The following FRMPD4 variants were observed in gnomAD, a reference collection of about 807,000 sequenced individuals.
FRMPD4 encodes the protein FERM and PDZ domain-containing protein 4.
A neutral mutation model predicts 94.1 loss-of-function variants in FRMPD4; 22 were observed. The observed-to-expected ratio is 0.23, with a 90% CI of 0.17 to 0.33. FRMPD4 has a LOEUF of 0.33. FRMPD4 is among the 10% of genes least tolerant of loss of function. FRMPD4 has a pLI of 1.00. For synonymous variants in FRMPD4, 631 were observed against 548.6 expected, an observed-to-expected ratio of 1.15 and a Z score of -2.10; for missense variants, 1,111 against 1,339.9, an observed-to-expected ratio of 0.83 and a Z score of 2.67.
intron 2 of FRMPD4, among the ~76,000 whole-genome samples, chrX:12,547,917 T>C (rs1275118350): frequency 1.8e-5 from 2 of 112,400 alleles, no homozygotes; most frequent in Non-Finnish European, 3.8e-5. Flanking sequence ...ATCATGTCCA[T>C]TTTAATGACT....
At chrX:12,411,930 T>C (rs2056737213) in intron 1 of FRMPD4, among the ~76,000 whole-genome samples, 1 of 111,614 alleles carries the variant, frequency 9.0e-6, no homozygotes, top group Non-Finnish European at 1.9e-5. Flanking sequence ...CTACAGTCTT[T>C]TACTTGGGCA....
intron 1 of FRMPD4, among the ~76,000 whole-genome samples, chrX:12,363,586 C>T (rs1453211442): frequency 9.8e-5 from 11 of 112,431 alleles, no homozygotes; most frequent in Admixed American, 5.6e-4. Context: ...CATCAGAGAC[C>T]AGGCCAGCCA....
chrX:11,906,335 G>C (rs889977712), intron 3 of FRMPD4, among the ~76,000 whole-genome samples: 1 of 109,410 alleles, frequency 9.1e-6, no homozygotes, highest in African/African-American at 3.3e-5. Flanking sequence ...TTTTAGTAGA[G>C]ACAGGGATTC....
intron 2 of FRMPD4, among the ~76,000 whole-genome samples, chrX:12,526,986 A>G (rs1249633986): frequency 8.9e-6 from 1 of 111,748 alleles, no homozygotes; most frequent in South Asian, 3.8e-4. Context: ...TAAAAAAAAA[A>G]GTGCTTTTTC....
intron 1 of FRMPD4, among the ~76,000 whole-genome samples, chrX:12,242,508 A>G (rs1279844397): frequency 1.8e-5 from 2 of 112,615 alleles, no homozygotes; most frequent in Non-Finnish European, 3.7e-5. Context: ...GGATTTCTGC[A>G]TAACACAAAG....
chrX:12,101,108 G>A (rs1252177832), intron 3 of FRMPD4, among the ~76,000 whole-genome samples: 2 of 111,987 alleles, frequency 1.8e-5, no homozygotes, highest in African/African-American at 6.5e-5. Context: ...GTACTTCCAC[G>A]TATGAGTGTC....
chrX:12,608,460 A>G (rs1462526563), intron 2 of FRMPD4, among the ~76,000 whole-genome samples: 1 of 112,899 alleles, frequency 8.9e-6, no homozygotes, highest in Non-Finnish European at 1.9e-5. Context: ...TTAGGTGTTA[A>G]TGAAAAGATT....
intron 3 of FRMPD4, among the ~76,000 whole-genome samples, chrX:12,017,316 C>A (rs917944338): frequency 8.9e-5 from 10 of 112,185 alleles, no homozygotes; most frequent in Non-Finnish European, 1.5e-4. Context: ...TGAACATATT[C>A]CAGCCACAAA....
intron 3 of FRMPD4, among the ~76,000 whole-genome samples, chrX:12,080,055 T>C (rs777572795): frequency 8.9e-6 from 1 of 112,520 alleles, no homozygotes; most frequent in East Asian, 2.8e-4. Flanking sequence ...ATCAGATCCT[T>C]CTAATCAGTA....
intron 3 of FRMPD4, among the ~76,000 whole-genome samples, chrX:12,127,495 T>C (rs2055510362): frequency 9.0e-6 from 1 of 111,662 alleles, no homozygotes; most frequent in South Asian, 3.8e-4. Context: ...CATGATTCAA[T>C]TACCTCCCAC....
intron 1 of FRMPD4, among the ~76,000 whole-genome samples, chrX:12,431,470 CAT>C (rs1224371578): frequency 8.9e-6 from 1 of 112,208 alleles, no homozygotes; most frequent in Non-Finnish European, 1.9e-5. Flanking sequence ...ATACTTAACA[CAT>C]ATCTCATAAA....
chrX:12,447,401 A>G (rs759835688), intron 1 of FRMPD4, among the ~76,000 whole-genome samples: 1 of 111,961 alleles, frequency 8.9e-6, no homozygotes, highest in Non-Finnish European at 1.9e-5. Flanking sequence ...AGTCCCCCTC[A>G]TTAAGAATCA....
chrX:12,109,069 G>A (rs764633522), intron 3 of FRMPD4, among the ~76,000 whole-genome samples: 28 of 111,241 alleles, frequency 2.5e-4, no homozygotes, highest in Admixed American at 1.2e-3. Flanking sequence ...TGCACCAAGC[G>A]GACCTAATAG....
At chrX:11,887,614 T>C (rs2053852984) in intron 3 of FRMPD4, among the ~76,000 whole-genome samples, 2 of 112,615 alleles carry the variant, frequency 1.8e-5, no homozygotes, top group East Asian at 5.6e-4. Context: ...TCTTTTTTCA[T>C]CTGTGACACT....
At chrX:12,166,216 A>G (rs769910416) in intron 1 of FRMPD4, among the ~76,000 whole-genome samples, 10 of 112,052 alleles carry the variant, frequency 8.9e-5, no homozygotes, top group East Asian at 2.8e-4. Flanking sequence ...TTATTTTGAG[A>G]TACATTCCAT....
chrX:12,115,456 G>C (rs1266234999), intron 3 of FRMPD4, among the ~76,000 whole-genome samples: 1 of 111,163 alleles, frequency 9.0e-6, no homozygotes, highest in Non-Finnish European at 1.9e-5. Context: ...GGGATTACAG[G>C]TGTGAGCCAC....
chrX:11,899,908 G>T (rs1055001958), intron 3 of FRMPD4, among the ~76,000 whole-genome samples: 4 of 112,088 alleles, frequency 3.6e-5, no homozygotes, highest in African/African-American at 1.3e-4. Context: ...TTCAAAACTT[G>T]TTGATTTTAT....
At chrX:12,553,382 C>G (rs1381311162) in intron 2 of FRMPD4, among the ~76,000 whole-genome samples, 6 of 97,517 alleles carry the variant, frequency 6.2e-5, no homozygotes, top group African/African-American at 2.3e-4. Flanking sequence ...TAGTCTTATG[C>G]AACTACATAT....
chrX:12,192,136 G>C (rs1473762131), intron 1 of FRMPD4, among the ~76,000 whole-genome samples: 1 of 112,007 alleles, frequency 8.9e-6, no homozygotes, highest in Non-Finnish European at 1.9e-5. Context: ...GCACTAGCTT[G>C]CTTTGGGTTT....
Sources: allele counts gnomAD v4.1 joint callset (sites outside exome capture counted in the v4.1 genomes callset), GRCh38; gene constraint gnomAD v4.1.1; transcripts MANE v1.5; gene names NCBI Gene and HGNC (gene_info 2026-07-23, HGNC 2026-07-21).